PRKN: variants seen among roughly 807,000 people sequenced by gnomAD.
The protein encoded by PRKN is parkin RBR E3 ubiquitin protein ligase.
Under a neutral mutation model 59.5 loss-of-function variants are expected in PRKN, and 56 were observed. The observed-to-expected ratio is 0.94, with a 90% CI of 0.76 to 1.18. The LOEUF (loss-of-function observed/expected upper bound fraction) is 1.18. Ranked by LOEUF, PRKN falls within the 50% of genes most tolerant of loss-of-function variation. The pLI, the probability that PRKN is intolerant of heterozygous loss-of-function variation, is 0.00. For synonymous variants in PRKN, 250 were observed against 222.1 expected (o/e 1.13, Z -1.12); for missense variants, 657 against 596.4 (o/e 1.10, Z -1.06).
chr6:162,424,073 C>CA (rs1238601926), intron 2 of PRKN, among the ~76,000 whole-genome samples: 6 of 151,280 alleles, frequency 4.0e-5, no homozygotes, highest in Non-Finnish European at 7.4e-5. Flanking sequence ...CCATTCAATG[C>CA]AAAAAAAGAT....
chr6:161,942,999 T>A (rs151195555), intron 6 of PRKN, among the ~76,000 whole-genome samples: 17 of 152,338 alleles, frequency 1.1e-4, no homozygotes, highest in African/African-American at 3.8e-4. Context: ...CTTATCTGGG[T>A]TGCAAATGGC....
At chr6:161,632,704 T>C (rs1241478150) in intron 7 of PRKN, among the ~76,000 whole-genome samples, 1 of 152,174 alleles carries the variant, frequency 6.6e-6, no homozygotes, top group Non-Finnish European at 1.5e-5. Context: ...GTTCCACAGC[T>C]CTGGGGAGGC....
At position 161,379,239 on chromosome 6, in the gene PRKN, G is replaced by A. The variant is rs937009096; in HGVS notation, c.1167+7555C>T. Among the ~76,000 whole-genome samples the A allele has an allele frequency of 1.3e-5, 2 of 152,106 alleles. No individual in the cohort carries two copies. Among genetic ancestry groups the A allele is most frequent in the African/African-American group, 4.8e-5 (2 of 41,420 alleles). On this transcript the variant is annotated intron_variant, in intron 10 of 11. Coordinates refer to ENST00000366898, the MANE Select transcript of PRKN (RefSeq NM_004562.3). This position sits in a 1 kb window ranked among gnomAD's most constrained non-coding sequence, Gnocchi z 4.9. ...CTTTAGAATGGCACCCAGGAGCCTG[G>A]ACCCATCAGGGATGATGTCTGTGTC...
intron 1 of PRKN, among the ~76,000 whole-genome samples, chr6:162,716,712 T>C (rs1488594291): frequency 2.5e-5 from 2 of 80,116 alleles, no homozygotes; most frequent in Non-Finnish European, 5.1e-5. Context: ...AAGTGAGTTA[T>C]GTCCTTGGCT....
intron 7 of PRKN, among the ~76,000 whole-genome samples, chr6:161,625,707 G>T (rs369829377): frequency 6.6e-6 from 1 of 152,164 alleles, no homozygotes; most frequent in East Asian, 1.9e-4. Context: ...TCTAACACTC[G>T]TGCTAAGATT....
At chr6:161,991,606 C>T (rs1781649699) in intron 5 of PRKN, among the ~76,000 whole-genome samples, 1 of 152,098 alleles carries the variant, frequency 6.6e-6, no homozygotes, top group Non-Finnish European at 1.5e-5. Flanking sequence ...CTTTGGGAGG[C>T]CGAGGCGGGC....
intron 1 of PRKN, among the ~76,000 whole-genome samples, chr6:162,715,579 A>C (rs1008390595): frequency 2.6e-5 from 4 of 152,158 alleles, no homozygotes; most frequent in African/African-American, 9.7e-5. Context: ...ATTTTATTTT[A>C]TATTTCAAAT....
At chr6:161,635,042 T>TA (rs1783463018) in intron 7 of PRKN, among the ~76,000 whole-genome samples, 1 of 152,114 alleles carries the variant, frequency 6.6e-6, no homozygotes, top group Non-Finnish European at 1.5e-5. Flanking sequence ...GGGCCGTAAT[T>TA]AAAACGGGAG....
At chr6:161,992,928 T>C (rs895733677) in intron 5 of PRKN, among the ~76,000 whole-genome samples, 2 of 152,034 alleles carry the variant, frequency 1.3e-5, no homozygotes, top group South Asian at 2.1e-4. Context: ...AAATGTAATA[T>C]ATTAAAACCC....
chr6:162,120,347 T>C (rs991836774), intron 4 of PRKN, among the ~76,000 whole-genome samples: 3 of 152,184 alleles, frequency 2.0e-5, no homozygotes, highest in African/African-American at 7.2e-5. Flanking sequence ...TGATTTCCTA[T>C]CACTAGACTT....
chr6:161,697,401 C>T (rs1433265547), intron 7 of PRKN, among the ~76,000 whole-genome samples: 1 of 152,194 alleles, frequency 6.6e-6, no homozygotes, highest in East Asian at 1.9e-4. Flanking sequence ...TATGTAGCAA[C>T]TGTGCTCTAG....
intron 1 of PRKN, among the ~76,000 whole-genome samples, chr6:162,602,347 G>A (rs893868458): frequency 6.6e-6 from 1 of 152,176 alleles, no homozygotes; most frequent in Non-Finnish European, 1.5e-5. Context: ...GGGAAGCAAG[G>A]GGAGGCATCA....
intron 3 of PRKN, among the ~76,000 whole-genome samples, chr6:162,206,415 G>A (rs74791843): frequency 0.013 from 2,025 of 152,218 alleles, 49 homozygotes; most frequent in African/African-American, 0.046. Context: ...GGAGCTGCTG[G>A]CATGAGGCGT....
chr6:162,270,873 C>G (rs1261106710), intron 2 of PRKN: 2 of 151,646 alleles, frequency 1.3e-5, no homozygotes, highest in East Asian at 1.9e-4. Context: ...GGGTCTCACT[C>G]TGTTACAGCC....
At chr6:162,323,166 A>G (rs1273572861) in intron 2 of PRKN, among the ~76,000 whole-genome samples, 1 of 151,644 alleles carries the variant, frequency 6.6e-6, no homozygotes, top group Non-Finnish European at 1.5e-5. Flanking sequence ...GCACATGTAT[A>G]CATATACATA....
chr6:161,510,296 G>A (rs1014495030), intron 9 of PRKN, among the ~76,000 whole-genome samples: 6 of 152,060 alleles, frequency 3.9e-5, no homozygotes, highest in Non-Finnish European at 5.9e-5. Context: ...CAGGATGTGC[G>A]GTATCATGAA....
intron 4 of PRKN, among the ~76,000 whole-genome samples, chr6:162,105,069 C>T (rs887476651): frequency 4.6e-5 from 7 of 152,142 alleles, no homozygotes; most frequent in Admixed American, 6.5e-5. Flanking sequence ...AAGTGAGAAG[C>T]ACTCATCACG....
chr6:162,627,294 C>T (rs144767985), intron 1 of PRKN, among the ~76,000 whole-genome samples: 1 of 152,276 alleles, frequency 6.6e-6, no homozygotes, highest in Non-Finnish European at 1.5e-5. Flanking sequence ...GTGATGGCTT[C>T]ACCCAGAATA....
At chr6:162,338,632 C>T (rs1189756670) in intron 2 of PRKN, among the ~76,000 whole-genome samples, 1 of 152,046 alleles carries the variant, frequency 6.6e-6, no homozygotes, top group African/African-American at 2.4e-5. Context: ...CCTGCCTTGG[C>T]CTCCCAAAGT....
Sources: gnomAD v4.1 joint callset for allele counts (sites outside exome capture counted in the v4.1 genomes callset) on GRCh38, gnomAD v4.1.1 for gene constraint, Gnocchi (gnomAD v3.1) non-coding constraint, MANE v1.5 for transcripts, NCBI Gene and HGNC (gene_info 2026-07-23, HGNC 2026-07-21) for gene names.